TNFRSF19: variants seen among roughly 807,000 people sequenced by gnomAD.
The protein encoded by TNFRSF19 is tumor necrosis factor receptor superfamily member 19.
Under a neutral mutation model 46.4 loss-of-function variants are expected in TNFRSF19, and 27 were observed. The ratio of observed to expected loss-of-function variants is 0.58; its 90% CI spans 0.43 to 0.80. TNFRSF19 has a LOEUF of 0.80. Among genes scored for constraint, TNFRSF19 ranks in the 30% least tolerant of loss-of-function variants. The probability of loss-of-function intolerance (pLI) is 0.00; values close to 1 mark genes in which losing one functional copy is unlikely to be tolerated. For missense variants in TNFRSF19, 511 were observed against 530.8 expected (o/e 0.96, Z 0.37); for synonymous variants, 204 against 205.0 (o/e 1.00, Z 0.04).
At chr13:23,631,746 G>A (rs1186115469) in intron 5 of TNFRSF19, among the ~76,000 whole-genome samples, 1 of 152,224 alleles carries the variant, frequency 6.6e-6, no homozygotes, top group African/African-American at 2.4e-5. Context: ...GGAGAAGGAA[G>A]AGGAGGGAGT....
intron 5 of TNFRSF19, among the ~76,000 whole-genome samples, chr13:23,627,938 C>A (rs11619693): frequency 0.074 from 11,323 of 152,220 alleles, 584 homozygotes; most frequent in Middle Eastern, 0.12. Flanking sequence ...GTAAGATTTT[C>A]TTTTATAGAA....
intron 3 of TNFRSF19, among the ~76,000 whole-genome samples, chr13:23,594,672 G>A (rs1290948865): frequency 6.6e-6 from 1 of 152,222 alleles, no homozygotes; most frequent in Admixed American, 6.5e-5. Context: ...GGGAAGGGGT[G>A]GCTGTGGGTG....
chr13:23,626,227 G>T lies in TNFRSF19; in HGVS notation c.360-480G>T, dbSNP rs150830148. Among the ~76,000 whole-genome samples, 483 of 149,184 alleles carry T rather than the reference G, an allele frequency of 3.2e-3. 3 individuals carry two copies. Among genetic ancestry groups the T allele is most frequent in the Non-Finnish European group, 5.5e-3 (369 of 67,318 alleles). On this transcript the variant is annotated intron_variant, in intron 4 of 9. Coordinates refer to ENST00000248484, the MANE Select transcript of TNFRSF19 (RefSeq NM_148957.4). The stretch of plus-strand genomic sequence containing the variant: ...TGTGTGTGTGTGTGTGTGTGTGGTT[G>T]CTGTTCATCTCTTCCACTTTGACTC...
rs1884218502 is a variant in TNFRSF19, at chr13:23,659,647, C to T, written c.610+433C>T. Among the ~76,000 whole-genome samples, 1 of 152,034 alleles carries T rather than the reference C, an allele frequency of 6.6e-6. No individual in the cohort carries two copies. Among genetic ancestry groups the T allele is most frequent in the Non-Finnish European group, 1.5e-5 (1 of 68,016 alleles). On this transcript the variant is annotated intron_variant, in intron 6 of 9. Transcript: ENST00000248484. This position sits in a 1 kb window ranked among gnomAD's most constrained non-coding sequence, Gnocchi z 4.9. ...TCAGCCTCCGGAGTAGCTGGGACTA[C>T]AGGCGCCCGCCACCACGCCTGGATA...
intron 3 of TNFRSF19, among the ~76,000 whole-genome samples, chr13:23,595,619 C>G (rs942941088): frequency 1.3e-5 from 2 of 152,044 alleles, no homozygotes; most frequent in South Asian, 4.2e-4. Context: ...GTGAAAAGAC[C>G]AAACCTACAT....
At chr13:23,651,378 C>T (rs1299896448) in intron 5 of TNFRSF19, among the ~76,000 whole-genome samples, 6 of 152,270 alleles carry the variant, frequency 3.9e-5, no homozygotes, top group African/African-American at 1.4e-4. Context: ...TGTGTCAAAA[C>T]ATAGTCACCA....
intron 3 of TNFRSF19, among the ~76,000 whole-genome samples, chr13:23,593,858 C>G (rs183456035): frequency 6.6e-5 from 10 of 152,302 alleles, no homozygotes; most frequent in Admixed American, 6.5e-4. Flanking sequence ...CCAGCGAGAT[C>G]AGTGCAGAAG....
rs1454455226 is a variant in TNFRSF19 at position 23,674,315 on chromosome 13, T to C, written c.*935T>C. On this transcript the variant is annotated 3_prime_UTR_variant, in exon 10 of 10. Transcript: ENST00000248484. ...ACTAAAGGCTTTAGAAATTACAACA[T>C]ATCAGGTTCCCCTACTACTGAAGTA... 2 of 152,184 alleles carry C rather than the reference T, an allele frequency of 1.3e-5. No individual in the cohort carries two copies. Among genetic ancestry groups the C allele is most frequent in the Non-Finnish European group, 2.9e-5 (2 of 68,018 alleles). The allele number at this position is 152,184 out of a possible 1,614,324, so 9.4% of individuals were successfully genotyped here. A position where few individuals can be genotyped will look rare whatever the true frequency, so the allele number is the denominator to read the frequency against.
intron 4 of TNFRSF19, among the ~76,000 whole-genome samples, chr13:23,626,322 C>T (rs949214538): frequency 1.3e-5 from 2 of 151,420 alleles, no homozygotes; most frequent in East Asian, 1.9e-4. Flanking sequence ...TACATTTTTC[C>T]GTTGCTTTTA....
intron 3 of TNFRSF19, among the ~76,000 whole-genome samples, chr13:23,600,777 G>A (rs937277125): frequency 6.6e-6 from 1 of 152,160 alleles, no homozygotes; most frequent in Admixed American, 6.5e-5. Flanking sequence ...AGAGGCACAG[G>A]CCTGCACAGG....
intron 1 of TNFRSF19, among the ~76,000 whole-genome samples, chr13:23,588,611 C>A (rs1879016262): frequency 1.3e-5 from 2 of 152,144 alleles, no homozygotes; most frequent in South Asian, 4.1e-4. Context: ...ACCTAAATTA[C>A]ACATTTTTTG....
chr13:23,597,114 A>T (rs974452696), intron 3 of TNFRSF19, among the ~76,000 whole-genome samples: 1 of 152,252 alleles, frequency 6.6e-6, no homozygotes. Flanking sequence ...AAGGAAGTTT[A>T]TAGCACTAAA....
chr13:23,635,628 C>T (rs34026094), intron 5 of TNFRSF19, among the ~76,000 whole-genome samples: 1 of 152,188 alleles, frequency 6.6e-6, no homozygotes, highest in African/African-American at 2.4e-5. Flanking sequence ...ATCTGCCCGC[C>T]TTGGCCTCCC....
intron 1 of TNFRSF19, among the ~76,000 whole-genome samples, chr13:23,573,400 ATAATT>A (rs1877752470): frequency 6.6e-6 from 1 of 152,170 alleles, no homozygotes; most frequent in Non-Finnish European, 1.5e-5. Flanking sequence ...ATAATTTAAC[ATAATT>A]TAACACGTAA....
At chr13:23,637,919 C>CAAAA (rs1207991108) in intron 5 of TNFRSF19, among the ~76,000 whole-genome samples, 3 of 152,250 alleles carry the variant, frequency 2.0e-5, no homozygotes, top group Non-Finnish European at 2.9e-5. Flanking sequence ...AAAATGGAGC[C>CAAAA]TGGCACTCAA....
intron 3 of TNFRSF19, among the ~76,000 whole-genome samples, chr13:23,596,794 T>G (rs1274285070): frequency 6.6e-5 from 10 of 152,196 alleles, no homozygotes. Flanking sequence ...ATCAACAGAA[T>G]GTACATTCTT....
intron 7 of TNFRSF19, 70 bp downstream of exon 7, chr13:23,660,560 C>T: frequency 6.4e-7 from 1 of 1,556,798 alleles, no homozygotes; most frequent in South Asian, 1.2e-5. Flanking sequence ...AAGAATTGGT[C>T]CTGGTTTATT....
At chr13:23,585,231 C>A (rs1206290894) in intron 1 of TNFRSF19, among the ~76,000 whole-genome samples, 1 of 151,674 alleles carries the variant, frequency 6.6e-6, no homozygotes, top group African/African-American at 2.4e-5. Flanking sequence ...AAACTGTTAC[C>A]AATTGCATGC....
chr13:23,630,216 T>C (rs771280670), intron 5 of TNFRSF19, among the ~76,000 whole-genome samples: 2 of 149,758 alleles, frequency 1.3e-5, no homozygotes, highest in African/African-American at 2.5e-5. Flanking sequence ...GGTGGGAAGA[T>C]TGCTTGAGCC....
Sources: gnomAD v4.1 joint callset for allele counts (sites outside exome capture counted in the v4.1 genomes callset) on GRCh38, gnomAD v4.1.1 for gene constraint, Gnocchi (gnomAD v3.1) non-coding constraint, MANE v1.5 for transcripts, NCBI Gene and HGNC (gene_info 2026-07-23, HGNC 2026-07-21) for gene names.